RFTN1: variants seen among roughly 807,000 people sequenced by gnomAD.
RFTN1 encodes raftlin.
A neutral mutation model predicts 46.5 loss-of-function variants in RFTN1; 26 were observed. The observed-to-expected ratio is 0.56, with a 90% confidence interval of 0.41 to 0.78. The LOEUF is 0.78. RFTN1 is among the 30% of genes least tolerant of loss of function. RFTN1 has a pLI of 0.00. For synonymous variants in RFTN1, 261 were observed against 284.2 expected (o/e 0.92, Z 0.82); for missense variants, 693 against 718.7 (o/e 0.96, Z 0.41).
Position 16,500,721 on chromosome 3 carries a change from A to T in RFTN1, c.-8-6844T>A, listed in dbSNP as rs2076697182. Among the ~76,000 whole-genome samples, 1 of 152,244 alleles carries T rather than the reference A, an allele frequency of 6.6e-6. No individual in the cohort carries two copies. The highest frequency in any genetic ancestry group is 1.5e-5 in the Non-Finnish European group (1 of 68,042). Reference sequence around the variant, plus strand: ...ATGTCTCTTTGGTAAGCGGTGGATCAGCTTCTTACAGGAGCTATCAGTTCC... The same window carrying T: ...ATGTCTCTTTGGTAAGCGGTGGATCTGCTTCTTACAGGAGCTATCAGTTCC... On this transcript the variant is annotated intron_variant, in intron 1 of 9. Coordinates refer to ENST00000334133, the MANE Select transcript of RFTN1 (RefSeq NM_015150.2). This position sits in a 1 kb window ranked among gnomAD's most constrained non-coding sequence, Gnocchi z 5.9.
rs560117172 is a variant in RFTN1, at chr3:16,421,175, T to C, written c.333-11692A>G. Among the ~76,000 whole-genome samples the C allele has an allele frequency of 5.9e-5, 9 of 152,208 alleles. No homozygotes were observed. The highest frequency in any genetic ancestry group is 2.2e-4 in the African/African-American group (9 of 41,454). On this transcript the variant is annotated intron_variant, in intron 3 of 9. Coordinates refer to ENST00000334133, the MANE Select transcript of RFTN1 (RefSeq NM_015150.2). This position sits in a 1 kb window ranked among gnomAD's most constrained non-coding sequence, Gnocchi z 4.6. ...TGATGAAATAAGCAATATTTTATAATGATGATCACAGTAAGTTCACACTAT... is the reference window on the plus strand; with the variant it reads ...TGATGAAATAAGCAATATTTTATAACGATGATCACAGTAAGTTCACACTAT...
At position 16,468,097 on chromosome 3, in the gene RFTN1, T is replaced by A. The variant is rs903549748; in HGVS notation, c.145+25628A>T. ...AGTGCTTACTCAAAACATAGAAACA[T>A]CAATATGGAGACTGCAGACCCCAGA... On this transcript the variant is annotated intron_variant, in intron 2 of 9. Transcript: ENST00000334133. This position sits in a 1 kb window ranked among gnomAD's most constrained non-coding sequence, Gnocchi z 4.4. Among the ~76,000 whole-genome samples the A allele has an allele frequency of 6.6e-6, 1 of 152,018 alleles. No individual in the cohort carries two copies. Among genetic ancestry groups the A allele is most frequent in the Admixed American group, 6.5e-5 (1 of 15,280 alleles).
At position 16,450,705 on chromosome 3, in the gene RFTN1, C is replaced by G. The variant is rs1414957890; in HGVS notation, c.146-16668G>C. ...CTATAAAACTAATCTAGTGTCTGTTCCACAACCTTCAGAGAAGGTGTTATT... is the reference window on the plus strand; with the variant it reads ...CTATAAAACTAATCTAGTGTCTGTTGCACAACCTTCAGAGAAGGTGTTATT... On this transcript the variant is annotated intron_variant, in intron 2 of 9. Transcript: ENST00000334133. The surrounding 1 kb of genome is among the most constrained non-coding windows in gnomAD (Gnocchi z 4.6). 6.6e-6 allele frequency among the ~76,000 whole-genome samples: 1 copy of G among 152,196 alleles called. No individual in the cohort carries two copies. The highest frequency in any genetic ancestry group is 1.5e-5 in the Non-Finnish European group (1 of 68,026).
At position 16,479,921 on chromosome 3, in the gene RFTN1, T is replaced by A. The variant is rs2076337674; in HGVS notation, c.145+13804A>T. On this transcript the variant is annotated intron_variant, in intron 2 of 9. Transcript: ENST00000334133. This position sits in a 1 kb window ranked among gnomAD's most constrained non-coding sequence, Gnocchi z 5.1. ...TGCTTCTCCAAGATAACACACAGAC[T>A]CTATTAGGGCTATACCCAAGCTGGC... Among the ~76,000 whole-genome samples the A allele has an allele frequency of 6.6e-6, 1 of 152,080 alleles. No individual in the cohort carries two copies. Among genetic ancestry groups the A allele is most frequent in the African/African-American group, 2.4e-5 (1 of 41,402 alleles).
In RFTN1 at chr3:16,403,959, TTA is replaced by T. The variant is rs1309751351; in HGVS notation, c.441+5414_441+5415del. Reference sequence around the variant, plus strand: ...TTATATATAATATATAATATATATTTTATATATATATTATATTTTATATATAA... The same window carrying T: ...TTATATATAATATATAATATATATTTTATATATATTATATTTTATATATAA... On this transcript the variant is annotated intron_variant, in intron 4 of 9. Transcript: ENST00000334133. Among the ~76,000 whole-genome samples, 23 of 3,146 alleles carry T rather than the reference TTA, an allele frequency of 7.3e-3. 3 individuals are homozygous for T. Among genetic ancestry groups the T allele is most frequent in the Admixed American group, 0.02 (3 of 152 alleles). The allele number at this position is 3,146 out of a possible 152,430, so 2.1% of individuals were successfully genotyped here. A position where few individuals can be genotyped will look rare whatever the true frequency, so the allele number is the denominator to read the frequency against.
chr3:16,375,505 G>A (rs1321717703), intron 5 of RFTN1, among the ~76,000 whole-genome samples: 3 of 152,052 alleles, frequency 2.0e-5, no homozygotes, highest in African/African-American at 7.3e-5. Context: ...CACTTGGAGG[G>A]TGACTGCCAT....
At position 16,374,497 on chromosome 3, in the gene RFTN1, C is replaced by G. The variant is rs754247251; in HGVS notation, c.826+3221G>C. 3.9e-5 allele frequency among the ~76,000 whole-genome samples: 6 copies of G among 152,164 alleles called. No homozygotes were observed. The highest frequency in any genetic ancestry group is 7.4e-5 in the Non-Finnish European group (5 of 68,022). On this transcript the variant is annotated intron_variant, in intron 5 of 9. Coordinates refer to ENST00000334133, the MANE Select transcript of RFTN1 (RefSeq NM_015150.2). This position sits in a 1 kb window ranked among gnomAD's most constrained non-coding sequence, Gnocchi z 5.4. ...GCCCAACCCCCAGGTTTTGGCCATT[C>G]ACAATGAGCTGGCAGCCAGGGAGGG...
chr3:16,494,429 C>T (rs2076592224), intron 1 of RFTN1, among the ~76,000 whole-genome samples: 1 of 152,062 alleles, frequency 6.6e-6, no homozygotes, highest in Non-Finnish European at 1.5e-5. Flanking sequence ...TTTTATGGGC[C>T]TTGTCTGAAA....
chr3:16,493,587 G>A (rs957372920), intron 2 of RFTN1, 138 bp downstream of exon 2: 11 of 785,588 alleles, frequency 1.4e-5, no homozygotes, highest in African/African-American at 5.2e-5. Flanking sequence ...TCTGTAAGCC[G>A]CCCCCTTGAG....
rs1242861158 is a variant in RFTN1 at position 16,381,696 on chromosome 3, T to C, written c.442-3594A>G. Among the ~76,000 whole-genome samples, 2 of 152,142 alleles carry C rather than the reference T, an allele frequency of 1.3e-5. No individual in the cohort carries two copies. Among genetic ancestry groups the C allele is most frequent in the Non-Finnish European group, 1.5e-5 (1 of 68,030 alleles). On this transcript the variant is annotated intron_variant, in intron 4 of 9. Coordinates refer to ENST00000334133, the MANE Select transcript of RFTN1 (RefSeq NM_015150.2). This position sits in a 1 kb window ranked among gnomAD's most constrained non-coding sequence, Gnocchi z 4.2. The stretch of plus-strand genomic sequence containing the variant: ...ATGTAAAGGCAAGGAAGGATCATGA[T>C]GGGCAAAAGCGTGACAGTATGCAAC...
intron 5 of RFTN1, among the ~76,000 whole-genome samples, chr3:16,375,900 C>G (rs1286489253): frequency 1.3e-5 from 2 of 152,176 alleles, no homozygotes; most frequent in Non-Finnish European, 2.9e-5. Context: ...GTCAATTTTT[C>G]TGTGTTCAGC....
intron 7 of RFTN1, among the ~76,000 whole-genome samples, chr3:16,331,804 G>C (rs1301829346): frequency 6.6e-6 from 1 of 152,170 alleles, no homozygotes; most frequent in Non-Finnish European, 1.5e-5. Context: ...ACATCCTGTA[G>C]TGACTCTCTA....
chr3:16,494,353 C>T (rs2076591283), intron 1 of RFTN1, among the ~76,000 whole-genome samples: 1 of 152,194 alleles, frequency 6.6e-6, no homozygotes, highest in African/African-American at 2.4e-5. Context: ...CCTTTCTACC[C>T]TCAACAGTAA....
chr3:16,405,627 T>C (rs1288405607), intron 4 of RFTN1, among the ~76,000 whole-genome samples: 1 of 152,196 alleles, frequency 6.6e-6, no homozygotes, highest in Non-Finnish European at 1.5e-5. Flanking sequence ...TTCCTAATTG[T>C]GAGAAATAAT....
chr3:16,425,700 T>C lies in RFTN1; in HGVS notation c.332+8151A>G, dbSNP rs1214725871. On this transcript the variant is annotated intron_variant, in intron 3 of 9. Transcript: ENST00000334133. The surrounding 1 kb of genome is among the most constrained non-coding windows in gnomAD (Gnocchi z 4.3). Reference sequence around the variant, plus strand: ...TCTTTCCCCCAAGAGAAGGTGGCTTTACGCTGGCATATGAGATTGAAAAGT... The same window carrying C: ...TCTTTCCCCCAAGAGAAGGTGGCTTCACGCTGGCATATGAGATTGAAAAGT... Among the ~76,000 whole-genome samples the C allele has an allele frequency of 2.0e-5, 3 of 152,106 alleles. No homozygotes were observed. Among genetic ancestry groups the C allele is most frequent in the African/African-American group, 4.8e-5 (2 of 41,412 alleles).
At position 16,479,252 on chromosome 3, in the gene RFTN1, A is replaced by T. The variant is rs1322680447; in HGVS notation, c.145+14473T>A. On this transcript the variant is annotated intron_variant, in intron 2 of 9. Transcript: ENST00000334133. This position sits in a 1 kb window ranked among gnomAD's most constrained non-coding sequence, Gnocchi z 5.1. ...CATCACTTGCCTTAAGCCACTTCTG[A>T]ATTCACACTTTATATCCAAGAAAGT... Among the ~76,000 whole-genome samples the T allele has an allele frequency of 6.6e-6, 1 of 152,214 alleles. No homozygotes were observed. The highest frequency in any genetic ancestry group is 1.5e-5 in the Non-Finnish European group (1 of 68,030).
intron 2 of RFTN1, among the ~76,000 whole-genome samples, chr3:16,470,421 C>T (rs1049878175): frequency 6.6e-6 from 1 of 152,172 alleles, no homozygotes; most frequent in African/African-American, 2.4e-5. Flanking sequence ...CTGGTTGGTA[C>T]CACAGGAGCA....
intron 1 of RFTN1, among the ~76,000 whole-genome samples, chr3:16,494,278 T>A (rs2076589709): frequency 6.6e-6 from 1 of 152,304 alleles, no homozygotes; most frequent in South Asian, 2.1e-4. Flanking sequence ...AAACAAGAGA[T>A]GTGTCACCTT....
rs2075134998 is a variant in RFTN1 at position 16,418,900 on chromosome 3, A to G, written c.333-9417T>C. 6.6e-6 allele frequency among the ~76,000 whole-genome samples: 1 copy of G among 152,174 alleles called. No individual in the cohort carries two copies. The highest frequency in any genetic ancestry group is 1.5e-5 in the Non-Finnish European group (1 of 68,032). The stretch of plus-strand genomic sequence containing the variant: ...GCCCTCAAGTCTAGATCCTGCCCTC[A>G]AGTCTAGATAGACTGTGTATAAACA... On this transcript the variant is annotated intron_variant, in intron 3 of 9. Coordinates refer to ENST00000334133, the MANE Select transcript of RFTN1 (RefSeq NM_015150.2). This position sits in a 1 kb window ranked among gnomAD's most constrained non-coding sequence, Gnocchi z 5.0.
Sources: gnomAD v4.1 joint callset for allele counts (sites outside exome capture counted in the v4.1 genomes callset) on GRCh38, gnomAD v4.1.1 for gene constraint, Gnocchi (gnomAD v3.1) non-coding constraint, MANE v1.5 for transcripts, NCBI Gene and HGNC (gene_info 2026-07-23, HGNC 2026-07-21) for gene names.